Variants in HERC1 observed in about 807,000 individuals in gnomAD.
HERC1 encodes probable E3 ubiquitin-protein ligase HERC1.
HERC1 carries 160 observed loss-of-function variants against 554.3 expected under a neutral mutation model. That is an observed-to-expected ratio of 0.29 (90% CI 0.25 to 0.33). The LOEUF (loss-of-function observed/expected upper bound fraction) is 0.33, where lower values mean the gene tolerates loss of function less well. HERC1 is among the 10% of genes least tolerant of loss of function. The pLI is 1.00. For missense variants in HERC1, 4,919 were observed against 5,918.5 expected (o/e 0.83, Z 5.54); for synonymous variants, 2,175 against 2,131.7 (o/e 1.02, Z -0.56).
intron 14 of HERC1, 147 bp from the exon 15 acceptor site, chr15:63,729,796 G>A: frequency 1.5e-6 from 1 of 682,598 alleles, no homozygotes; most frequent in Admixed American, 2.6e-5. Flanking sequence ...TCCGAGGCAG[G>A]TACATCACCT....
chr15:63,738,982 T>C (rs1429391794), intron 12 of HERC1, among the ~76,000 whole-genome samples: 2 of 8,738 alleles, frequency 2.3e-4, no homozygotes, highest in East Asian at 4.8e-4. Flanking sequence ...AGTCAGTTTA[T>C]TTTTTTTTTT....
intron 1 of HERC1, among the ~76,000 whole-genome samples, chr15:63,833,288 C>T (rs2078218471): frequency 6.6e-6 from 1 of 152,202 alleles, no homozygotes; most frequent in Non-Finnish European, 1.5e-5. Context: ...GCTGCCCTCA[C>T]CCAAAGGCAG....
intron 1 of HERC1, among the ~76,000 whole-genome samples, chr15:63,830,708 AG>A (rs1873959367): frequency 6.6e-6 from 1 of 152,224 alleles, no homozygotes; most frequent in Admixed American, 6.5e-5. Flanking sequence ...CTTTTCTGTA[AG>A]TCTAACATTA....
chr15:63,632,649 C>G, intron 68 of HERC1, 60 bp downstream of exon 68: 10 of 1,112,926 alleles, frequency 9.0e-6, no homozygotes, highest in Non-Finnish European at 1.3e-5. Flanking sequence ...TTCTGTAACA[C>G]TGGAAGGCCA....
intron 71 of HERC1, among the ~76,000 whole-genome samples, chr15:63,624,995 C>G (rs893756284): frequency 1.3e-5 from 2 of 152,132 alleles, no homozygotes; most frequent in Admixed American, 1.3e-4. Context: ...TTCTGAGCTG[C>G]CTTTCTCAGT....
At chr15:63,813,924 T>C (rs938270951) in intron 1 of HERC1, among the ~76,000 whole-genome samples, 2 of 152,032 alleles carry the variant, frequency 1.3e-5, no homozygotes, top group African/African-American at 4.8e-5. Flanking sequence ...CAGGGCATGG[T>C]GGCGGGTGCC....
chr15:63,663,047 G>A lies in HERC1; in HGVS notation c.8838C>T (p.Asp2946=). The part of the protein sequence containing the change: ...DEAMEAMFGQ[D]LTSDNDILGM... ...CCAGAATATCATTGTCACTGGTCAGGTCTTGTCCAAACATAGCTTCCATCG... is the reference window on the plus strand; with the variant it reads ...CCAGAATATCATTGTCACTGGTCAGATCTTGTCCAAACATAGCTTCCATCG... Residue 2946 remains aspartate (D), a synonymous_variant, in exon 44 of 78, where the codon GAC becomes GAT. Coordinates refer to ENST00000443617, the MANE Select transcript of HERC1 (RefSeq NM_003922.4). 1 of 1,613,932 alleles carries A rather than the reference G, an allele frequency of 6.2e-7. No homozygotes were observed. The highest frequency in any genetic ancestry group is 8.5e-7 in the Non-Finnish European group (1 of 1,179,860).
Position 63,612,337 on chromosome 15 carries a change from A to T in HERC1, c.14314T>A (p.Phe4772Ile). The T allele has an allele frequency of 3.1e-6, 5 of 1,614,042 alleles. No individual in the cohort carries two copies. The highest frequency in any genetic ancestry group is 4.2e-6 in the Non-Finnish European group (5 of 1,179,890). Reference sequence around the variant, plus strand: ...GATCTTCCTGACACAAACCTCATGAAAAGCACCCGCTCCTCATTGGAGAAC... The same window carrying T: ...GATCTTCCTGACACAAACCTCATGATAAGCACCCGCTCCTCATTGGAGAAC... ...EEFSNEERVL[F>I]MRFVSGRSRL... The change falls in exon 77 of 78, where the codon TTC becomes ATC. Residue 4772 changes from phenylalanine (F) to isoleucine (I), a missense_variant. Around this residue, in one of 11 missense-constraint regions of HERC1, gnomAD observed 284 missense variants for 294.1 expected, o/e 0.97. Transcript: ENST00000443617. The surrounding 1 kb of genome is among the most constrained non-coding windows in gnomAD (Gnocchi z 5.0).
intron 65 of HERC1, among the ~76,000 whole-genome samples, chr15:63,635,428 C>T (rs1420030587): frequency 6.6e-6 from 1 of 152,166 alleles, no homozygotes. Context: ...GAAGCCCAAG[C>T]TGAACAGCAT....
chr15:63,656,674 G>T (rs534276320), intron 48 of HERC1, among the ~76,000 whole-genome samples: 2 of 152,186 alleles, frequency 1.3e-5, no homozygotes, highest in South Asian at 4.1e-4. Context: ...TCAAGAAACA[G>T]AACATTGCCA....
intron 55 of HERC1, among the ~76,000 whole-genome samples, chr15:63,647,017 G>C (rs1249742770): frequency 6.6e-6 from 1 of 152,116 alleles, no homozygotes; most frequent in Non-Finnish European, 1.5e-5. Flanking sequence ...CACTTTGGGA[G>C]GCTGAGGCAG....
intron 1 of HERC1, chr15:63,780,630 G>A (rs1001529801): frequency 6.6e-6 from 1 of 152,108 alleles, no homozygotes; most frequent in Non-Finnish European, 1.5e-5. Context: ...GCTGAGGCAG[G>A]AGAATGGTGT....
At chr15:63,777,484 C>T (rs952215801) in intron 1 of HERC1, among the ~76,000 whole-genome samples, 4 of 152,108 alleles carry the variant, frequency 2.6e-5, no homozygotes, top group South Asian at 4.1e-4. Flanking sequence ...TACAGGGATA[C>T]GTTGTTACTC....
chr15:63,741,455 G>C (rs1286772259), intron 12 of HERC1, among the ~76,000 whole-genome samples: 4 of 152,042 alleles, frequency 2.6e-5, no homozygotes, highest in Non-Finnish European at 5.9e-5. Context: ...TGGGATTACA[G>C]GCACACGCCA....
chr15:63,756,527 A>G lies in HERC1; in HGVS notation c.1443T>C (p.Ser481=), dbSNP rs757219350. Residue 481 remains serine (S), a synonymous_variant, in exon 5 of 78, where the codon AGT becomes AGC. Transcript: ENST00000443617. This position sits in a 1 kb window ranked among gnomAD's most constrained non-coding sequence, Gnocchi z 5.0. ...GTTTCCCATAATCACCATCTCCCCA[A>G]CTGAAGACTTCTCCTTCTGTCGTAA... ...LAFTTEGEVF[S]WGDGDYGKLG... is the part of the protein sequence containing the mutation. 52 of 1,613,734 alleles carry G rather than the reference A, an allele frequency of 3.2e-5. No homozygotes were observed. The highest frequency in any genetic ancestry group is 1.6e-4 in the Middle Eastern group (1 of 6,084).
intron 40 of HERC1, among the ~76,000 whole-genome samples, chr15:63,666,684 T>C (rs971163350): frequency 3.9e-5 from 6 of 152,188 alleles, no homozygotes; most frequent in Admixed American, 1.3e-4. Context: ...TGTGTAGAGG[T>C]ACTATAAGAG....
chr15:63,738,977 GTTTAT>G (rs2074668616), intron 12 of HERC1, among the ~76,000 whole-genome samples: 1 of 60,904 alleles, frequency 1.6e-5, no homozygotes. Context: ...TGAAAAGTCA[GTTTAT>G]TTTTTTTTTT....
chr15:63,733,304 T>C (rs550102747), intron 13 of HERC1, among the ~76,000 whole-genome samples, 159 bp from the exon 14 acceptor site: 1 of 152,170 alleles, frequency 6.6e-6, no homozygotes, highest in African/African-American at 2.4e-5. Context: ...ATTAATCCCA[T>C]TTAGGAAATG....
intron 65 of HERC1, 56 bp from the exon 66 acceptor site, chr15:63,634,944 T>G: frequency 7.4e-7 from 1 of 1,350,898 alleles, no homozygotes; most frequent in Non-Finnish European, 1.0e-6. Context: ...AAGAAAAAAG[T>G]AAATCTGCCA....
Sources: allele counts gnomAD v4.1 joint callset (sites outside exome capture counted in the v4.1 genomes callset), GRCh38; gene constraint gnomAD v4.1.1; regional missense constraint gnomAD v4.1.1; non-coding constraint Gnocchi (gnomAD v3.1); transcripts MANE v1.5; gene names NCBI Gene and HGNC (gene_info 2026-07-23, HGNC 2026-07-21).